PRKN: variants seen among roughly 807,000 people sequenced by gnomAD.
The protein encoded by PRKN is parkin RBR E3 ubiquitin protein ligase, also known as E3 ubiquitin-protein ligase parkin.
PRKN carries 56 observed loss-of-function variants against 59.5 expected under a neutral mutation model. That is an observed-to-expected ratio of 0.94 (90% CI 0.76 to 1.18). The LOEUF (loss-of-function observed/expected upper bound fraction) is 1.18. Ranked by LOEUF, PRKN falls within the 50% of genes most tolerant of loss-of-function variation. PRKN has a pLI of 0.00. For synonymous variants in PRKN, 250 were observed against 222.1 expected (o/e 1.13, Z -1.12); for missense variants, 657 against 596.4 (o/e 1.10, Z -1.06).
intron 7 of PRKN, among the ~76,000 whole-genome samples, chr6:161,641,436 C>T (rs1783734013): frequency 6.6e-6 from 1 of 152,118 alleles, no homozygotes; most frequent in African/African-American, 2.4e-5. Flanking sequence ...AAGAGGGCAG[C>T]TTTGATTTCA....
rs563883743 is a variant in PRKN at position 161,362,243 on chromosome 6, T to C, written c.1168-2038A>G. ...TGGATCAAATATGGAAAAAAATCTT[T>C]TTTAAACGTACGGCTGATAGGGTGG... is the stretch of plus-strand genomic sequence containing the variant. On this transcript the variant is annotated intron_variant, in intron 10 of 11. Transcript: ENST00000366898. The surrounding 1 kb of genome is among the most constrained non-coding windows in gnomAD (Gnocchi z 5.2). Among the ~76,000 whole-genome samples, 3 of 152,362 alleles carry C rather than the reference T, an allele frequency of 2.0e-5. No homozygotes were observed. In the South Asian group the frequency reaches 6.2e-4, roughly 32 times the overall value.
At chr6:162,097,916 C>T (rs897878780) in intron 4 of PRKN, among the ~76,000 whole-genome samples, 12 of 152,254 alleles carry the variant, frequency 7.9e-5, no homozygotes, top group Admixed American at 2.6e-4. Flanking sequence ...GATGACTTCA[C>T]CAAAGTTTGT....
rs1459790384 is a variant in PRKN at position 161,983,916 on chromosome 6, A to AT, written c.619-10500_619-10499insA. 1.3e-4 allele frequency among the ~76,000 whole-genome samples: 19 copies of AT among 148,492 alleles called. 1 individual carries two copies. Among genetic ancestry groups the AT allele is most frequent in the Admixed American group, 8.0e-4 (12 of 14,962 alleles). On this transcript the variant is annotated intron_variant, in intron 5 of 11. Coordinates refer to ENST00000366898, the MANE Select transcript of PRKN (RefSeq NM_004562.3). ...AAACTTAGAGTATAATAAAAAAAAA[A>AT]AAAATAAAATAAAAGGTTTGCAGTC...
intron 2 of PRKN, among the ~76,000 whole-genome samples, chr6:162,376,678 C>T (rs533376139): frequency 6.1e-5 from 9 of 146,442 alleles, no homozygotes; most frequent in East Asian, 4.1e-4. Flanking sequence ...AAAGTAGTGC[C>T]GAAACCAAGA....
In PRKN at chr6:162,056,905, G is replaced by C. The variant is rs188040223; in HGVS notation, c.535-2731C>G. On this transcript the variant is annotated intron_variant, in intron 4 of 11. Coordinates refer to ENST00000366898, the MANE Select transcript of PRKN (RefSeq NM_004562.3). The surrounding 1 kb of genome is among the most constrained non-coding windows in gnomAD (Gnocchi z 4.9). ...CTGAGTGCCTCTCGAGTGACCACTG[G>C]GGGAGGACTCAGAGCCTTGCCTGCG... is the stretch of plus-strand genomic sequence containing the variant. Among the ~76,000 whole-genome samples the C allele has an allele frequency of 1.3e-5, 2 of 152,142 alleles. No individual in the cohort carries two copies. Among genetic ancestry groups the C allele is most frequent in the East Asian group, 1.9e-4 (1 of 5,158 alleles).
At chr6:162,134,840 C>G (rs1243461271) in intron 4 of PRKN, among the ~76,000 whole-genome samples, 2 of 152,126 alleles carry the variant, frequency 1.3e-5, no homozygotes, top group African/African-American at 2.4e-5. Flanking sequence ...CCTATGCTAG[C>G]ACTGTTGAAA....
At chr6:162,575,980 C>T (rs1184220143) in intron 1 of PRKN, among the ~76,000 whole-genome samples, 7 of 152,154 alleles carry the variant, frequency 4.6e-5, no homozygotes, top group Non-Finnish European at 1.0e-4. Flanking sequence ...TTGACTGTGC[C>T]TCTTCCCTTG....
At chr6:161,591,052 G>A (rs1392091342) in intron 7 of PRKN, among the ~76,000 whole-genome samples, 2 of 152,128 alleles carry the variant, frequency 1.3e-5, no homozygotes, top group African/African-American at 4.8e-5. Flanking sequence ...TTACATAACA[G>A]ATTACTCCGG....
intron 1 of PRKN, among the ~76,000 whole-genome samples, chr6:162,573,850 G>T (rs547766105): frequency 9.0e-4 from 137 of 152,306 alleles, no homozygotes; most frequent in African/African-American, 3.2e-3. Context: ...AAAGCTCGCT[G>T]CTTGCAGAGT....
chr6:162,439,464 G>T (rs1480064715), intron 2 of PRKN, among the ~76,000 whole-genome samples: 2 of 151,628 alleles, frequency 1.3e-5, no homozygotes, highest in African/African-American at 4.9e-5. Flanking sequence ...CCACATCTGA[G>T]GTAACGTAGC....
At chr6:162,284,562 T>A (rs996627713) in intron 2 of PRKN, among the ~76,000 whole-genome samples, 5 of 152,194 alleles carry the variant, frequency 3.3e-5, no homozygotes, top group Non-Finnish European at 2.9e-5. Context: ...ACCTTGAACT[T>A]TGCCAGTTCT....
intron 4 of PRKN, among the ~76,000 whole-genome samples, chr6:162,150,163 T>C (rs1271077133): frequency 6.6e-6 from 1 of 152,060 alleles, no homozygotes. Context: ...AAAATAAATA[T>C]GTGAGTAAAT....
intron 5 of PRKN, among the ~76,000 whole-genome samples, chr6:162,052,239 G>A (rs528019312): frequency 6.6e-6 from 1 of 151,884 alleles, no homozygotes; most frequent in South Asian, 2.1e-4. Flanking sequence ...CTGCTGTTCA[G>A]CCCATTTAGT....
intron 1 of PRKN, among the ~76,000 whole-genome samples, chr6:162,464,659 C>CAAAAAA (rs1164797005): frequency 1.3e-5 from 1 of 79,922 alleles, no homozygotes; most frequent in Non-Finnish European, 2.6e-5. Flanking sequence ...ACTAAAAATA[C>CAAAAAA]AAAAAAAAAA....
At chr6:162,083,221 C>T (rs1031501589) in intron 4 of PRKN, among the ~76,000 whole-genome samples, 4 of 152,028 alleles carry the variant, frequency 2.6e-5, no homozygotes, top group Non-Finnish European at 4.4e-5. Context: ...TTTTGAAAGA[C>T]AAAGTCTGAA....
chr6:162,604,645 G>C lies in PRKN; in HGVS notation c.7+123017C>G, dbSNP rs887205214. The stretch of plus-strand genomic sequence containing the variant: ...AAGTCTCTGGTGTGTCAGCTCGTGT[G>C]TGACAGACAAACAATAGCCTTTTCC... On this transcript the variant is annotated intron_variant, in intron 1 of 11. Coordinates refer to ENST00000366898, the MANE Select transcript of PRKN (RefSeq NM_004562.3). Among the ~76,000 whole-genome samples the C allele has an allele frequency of 2.0e-5, 3 of 150,602 alleles. No individual in the cohort carries two copies. In the East Asian group the frequency reaches 5.8e-4, roughly 29 times the overall value.
chr6:161,623,550 G>A (rs942236461), intron 7 of PRKN, among the ~76,000 whole-genome samples: 1 of 152,170 alleles, frequency 6.6e-6, no homozygotes, highest in African/African-American at 2.4e-5. Context: ...TTTTTGAAAA[G>A]CTTATCCAAA....
rs1784952528 is a variant in PRKN at position 161,360,915 on chromosome 6, C to T, written c.1168-710G>A. Among the ~76,000 whole-genome samples the T allele has an allele frequency of 6.6e-6, 1 of 152,108 alleles. No individual in the cohort carries two copies. Among genetic ancestry groups the T allele is most frequent in the African/African-American group, 2.4e-5 (1 of 41,410 alleles). On this transcript the variant is annotated intron_variant, in intron 10 of 11. Coordinates refer to ENST00000366898, the MANE Select transcript of PRKN (RefSeq NM_004562.3). This position sits in a 1 kb window ranked among gnomAD's most constrained non-coding sequence, Gnocchi z 5.1. Reference sequence around the variant, plus strand: ...CAGTCTTTATCTCTCAGATGAAACACCTTGTGCATTGGGGGTATGGAGGAT... The same window carrying T: ...CAGTCTTTATCTCTCAGATGAAACATCTTGTGCATTGGGGGTATGGAGGAT...
At chr6:162,120,850 T>C (rs1319191721) in intron 4 of PRKN, among the ~76,000 whole-genome samples, 1 of 152,194 alleles carries the variant, frequency 6.6e-6, no homozygotes, top group Non-Finnish European at 1.5e-5. Flanking sequence ...CTCATCTACT[T>C]ACTCCATACT....
Sources: allele counts gnomAD v4.1 joint callset (sites outside exome capture counted in the v4.1 genomes callset), GRCh38; gene constraint gnomAD v4.1.1; non-coding constraint Gnocchi (gnomAD v3.1); transcripts MANE v1.5; gene names NCBI Gene and HGNC (gene_info 2026-07-23, HGNC 2026-07-21).